KIAA0825: variants seen among roughly 807,000 people sequenced by gnomAD.
The protein encoded by KIAA0825 is KIAA0825, also known as uncharacterized protein KIAA0825.
Under a neutral mutation model 147.6 loss-of-function variants are expected in KIAA0825, and 119 were observed. The observed-to-expected ratio is 0.81, with a 90% CI of 0.69 to 0.94. The LOEUF (loss-of-function observed/expected upper bound fraction) is 0.94, where lower values mean the gene tolerates loss of function less well. Ranked by LOEUF, KIAA0825 falls within the 40% of genes least tolerant of loss-of-function variation. KIAA0825 has a pLI of 0.00. For missense variants in KIAA0825, 1,381 were observed against 1,472.7 expected (o/e 0.94, Z 1.02); for synonymous variants, 470 against 518.1 (o/e 0.91, Z 1.26).
chr5:94,439,079 T>C (rs1199851246), intron 14 of KIAA0825, among the ~76,000 whole-genome samples: 1 of 152,068 alleles, frequency 6.6e-6, no homozygotes, highest in Non-Finnish European at 1.5e-5. Context: ...GAACACATGC[T>C]TGGGGCTTTG....
intron 12 of KIAA0825, among the ~76,000 whole-genome samples, chr5:94,461,706 A>C (rs1759861509): frequency 6.6e-6 from 1 of 151,890 alleles, no homozygotes. Flanking sequence ...CACTTGACCT[A>C]ATTTATCCTT....
chr5:94,556,017 T>C (rs1490490998), intron 2 of KIAA0825, among the ~76,000 whole-genome samples: 1 of 152,060 alleles, frequency 6.6e-6, no homozygotes, highest in Non-Finnish European at 1.5e-5. Flanking sequence ...ATGTATCAAC[T>C]GGGAATAATA....
chr5:94,154,245 T>C, intron 20 of KIAA0825, 121 bp from the exon 21 acceptor site: 1 of 683,664 alleles, frequency 1.5e-6, no homozygotes, highest in South Asian at 1.8e-5. Context: ...CCCTGTTTAT[T>C]CTTCACTGAC....
chr5:94,528,505 C>G (rs1769822909), intron 3 of KIAA0825, among the ~76,000 whole-genome samples: 2 of 152,128 alleles, frequency 1.3e-5, no homozygotes, highest in African/African-American at 4.8e-5. Context: ...AAGAGTCAAC[C>G]AACTGTGAAA....
intron 2 of KIAA0825, among the ~76,000 whole-genome samples, chr5:94,558,862 A>G (rs1331144973): frequency 2.6e-5 from 4 of 152,222 alleles, no homozygotes; most frequent in Non-Finnish European, 5.9e-5. Context: ...CAATGTCCTT[A>G]TCTCTGAAGA....
At chr5:94,373,800 T>C (rs1275088792) in intron 20 of KIAA0825, among the ~76,000 whole-genome samples, 2 of 152,196 alleles carry the variant, frequency 1.3e-5, no homozygotes, top group African/African-American at 4.8e-5. Context: ...AGTTTTGTTA[T>C]TATAATATAT....
intron 20 of KIAA0825, among the ~76,000 whole-genome samples, chr5:94,300,079 T>C (rs1438762679): frequency 2.0e-5 from 3 of 152,114 alleles, no homozygotes; most frequent in Non-Finnish European, 2.9e-5. Context: ...TGTCATGATA[T>C]AGTACACATA....
chr5:94,504,938 G>T (rs1022233689), intron 5 of KIAA0825, among the ~76,000 whole-genome samples: 6 of 151,486 alleles, frequency 4.0e-5, no homozygotes, highest in Admixed American at 3.9e-4. Flanking sequence ...AGTAAAGATG[G>T]GGTTTCCCTA....
intron 14 of KIAA0825, among the ~76,000 whole-genome samples, chr5:94,426,242 G>A (rs1749997632): frequency 6.6e-6 from 1 of 151,800 alleles, no homozygotes; most frequent in Non-Finnish European, 1.5e-5. Context: ...GTATATCAAT[G>A]GGATAGCTGC....
chr5:94,379,231 T>A (rs1237018771), intron 20 of KIAA0825, among the ~76,000 whole-genome samples: 2 of 152,216 alleles, frequency 1.3e-5, no homozygotes, highest in African/African-American at 4.8e-5. Flanking sequence ...ATTTTTGTAG[T>A]TTTAGGTTTT....
At chr5:94,203,014 A>G (rs1378173600) in intron 20 of KIAA0825, among the ~76,000 whole-genome samples, 1 of 152,180 alleles carries the variant, frequency 6.6e-6, no homozygotes, top group African/African-American at 2.4e-5. Context: ...AGGTGAACAA[A>G]GGCCCTAGTT....
chr5:94,461,451 A>T (rs1278344672), intron 12 of KIAA0825, among the ~76,000 whole-genome samples: 1 of 151,952 alleles, frequency 6.6e-6, no homozygotes, highest in Non-Finnish European at 1.5e-5. Flanking sequence ...ACATAGTATC[A>T]ACCGTATGGT....
At chr5:94,512,874 C>T (rs1562576652) in intron 5 of KIAA0825, among the ~76,000 whole-genome samples, 1 of 151,686 alleles carries the variant, frequency 6.6e-6, no homozygotes, top group Non-Finnish European at 1.5e-5. Context: ...CCAGCCTGAG[C>T]GATAGAGCGA....
At chr5:94,464,583 T>C (rs1463546901) in intron 11 of KIAA0825, among the ~76,000 whole-genome samples, 1 of 152,190 alleles carries the variant, frequency 6.6e-6, no homozygotes, top group Non-Finnish European at 1.5e-5. Context: ...ATTTTTATCT[T>C]ATTAACATTT....
chr5:94,272,294 T>C (rs1381967505), intron 20 of KIAA0825, among the ~76,000 whole-genome samples: 1 of 151,944 alleles, frequency 6.6e-6, no homozygotes, highest in Non-Finnish European at 1.5e-5. Context: ...ACAGAGTGAC[T>C]ACACTCAACA....
At chr5:94,215,467 A>AT (rs1316877628) in intron 20 of KIAA0825, among the ~76,000 whole-genome samples, 2 of 152,090 alleles carry the variant, frequency 1.3e-5, no homozygotes, top group African/African-American at 2.4e-5. Flanking sequence ...AGTTAAAAAT[A>AT]TTTTTTTCAA....
chr5:94,196,450 C>T (rs58734583), intron 20 of KIAA0825, among the ~76,000 whole-genome samples: 16,277 of 151,546 alleles, frequency 0.11, 976 homozygotes, highest in Middle Eastern at 0.14. Flanking sequence ...TTTCTACTGA[C>T]GAAACTTCTT....
chr5:94,408,829 A>T (rs1287462646), intron 15 of KIAA0825, among the ~76,000 whole-genome samples: 1 of 152,234 alleles, frequency 6.6e-6, no homozygotes, highest in Non-Finnish European at 1.5e-5. Context: ...TTAAAAAATC[A>T]ATTTCTGGTG....
intron 2 of KIAA0825, among the ~76,000 whole-genome samples, chr5:94,575,797 G>T (rs1227267892): frequency 6.6e-6 from 1 of 152,216 alleles, no homozygotes; most frequent in Non-Finnish European, 1.5e-5. Flanking sequence ...TTTGGCTGAG[G>T]AGTGGGTGAC....
Sources: gnomAD v4.1 joint callset for allele counts (sites outside exome capture counted in the v4.1 genomes callset) on GRCh38, gnomAD v4.1.1 for gene constraint, MANE v1.5 for transcripts, NCBI Gene and HGNC (gene_info 2026-07-23, HGNC 2026-07-21) for gene names.